RPS6KA6: variants seen among roughly 807,000 people sequenced by gnomAD.
The protein encoded by RPS6KA6 is ribosomal protein S6 kinase A6.
A neutral mutation model predicts 65.4 loss-of-function variants in RPS6KA6; 27 were observed. The ratio of observed to expected loss-of-function variants is 0.41; its 90% CI spans 0.30 to 0.57. The LOEUF (loss-of-function observed/expected upper bound fraction) is 0.57, where lower values mean the gene tolerates loss of function less well. Among genes scored for constraint, RPS6KA6 ranks in the 20% least tolerant of loss-of-function variants. The pLI is 0.24. For missense variants in RPS6KA6, 486 were observed against 555.6 expected, an observed-to-expected ratio of 0.87 and a Z score of 1.26; for synonymous variants, 190 against 184.2, an observed-to-expected ratio of 1.03 and a Z score of -0.26.
chrX:84,177,032 A>T (rs2035781331), intron 1 of RPS6KA6, among the ~76,000 whole-genome samples: 1 of 111,456 alleles, frequency 9.0e-6, no homozygotes, highest in African/African-American at 3.3e-5. Context: ...TAAGTTCAGC[A>T]AAAGCAGTAC....
intron 12 of RPS6KA6, among the ~76,000 whole-genome samples, chrX:84,108,415 G>A (rs768585427): frequency 2.2e-4 from 25 of 111,736 alleles, no homozygotes; most frequent in Non-Finnish European, 1.9e-4. Flanking sequence ...AATCAAAATA[G>A]CAATAAATAT....
At chrX:84,070,385 G>A (rs1034587504) in intron 20 of RPS6KA6, among the ~76,000 whole-genome samples, 3 of 110,052 alleles carry the variant, frequency 2.7e-5, no homozygotes, top group East Asian at 2.9e-4. Flanking sequence ...TAAAAACTGC[G>A]GCCTGTCGGG....
At chrX:84,160,215 C>G (rs766758373) in intron 2 of RPS6KA6, among the ~76,000 whole-genome samples, 2 of 110,986 alleles carry the variant, frequency 1.8e-5, no homozygotes, top group Middle Eastern at 4.3e-3. Flanking sequence ...TATTTTTTTG[C>G]GACCATAAAG....
intron 6 of RPS6KA6, among the ~76,000 whole-genome samples, chrX:84,141,549 G>C (rs939283158): frequency 9.0e-6 from 1 of 110,811 alleles, no homozygotes; most frequent in African/African-American, 3.3e-5. Context: ...AAATGTAACA[G>C]GTCTAATATC....
intron 20 of RPS6KA6, among the ~76,000 whole-genome samples, chrX:84,075,249 A>AAACT (rs1479087020): frequency 9.0e-6 from 1 of 111,615 alleles, no homozygotes; most frequent in African/African-American, 3.3e-5. Context: ...ACAAACAAAC[A>AAACT]AACAAACAAA....
intron 20 of RPS6KA6, among the ~76,000 whole-genome samples, chrX:84,094,514 G>A (rs1007888642): frequency 1.8e-5 from 2 of 108,625 alleles, no homozygotes; most frequent in Middle Eastern, 4.7e-3. Context: ...GCGTGGTGGC[G>A]GGCACCTGTA....
At chrX:84,148,743 T>A (rs1174452669) in intron 3 of RPS6KA6, among the ~76,000 whole-genome samples, 1 of 111,512 alleles carries the variant, frequency 9.0e-6, no homozygotes, top group African/African-American at 3.3e-5. Context: ...ATGCTAATGA[T>A]CATCTGAGTC....
rs189174889 is a variant in RPS6KA6, at chrX:84,128,668, T to C, written c.646+6114A>G. ...CAGAAACATAGAACAGGGAACAGAA[T>C]AGAGAACCCAGAGATAAATCCATGT... is the stretch of plus-strand genomic sequence containing the variant. On this transcript the variant is annotated intron_variant, in intron 8 of 21. Coordinates refer to ENST00000262752, the MANE Select transcript of RPS6KA6 (RefSeq NM_014496.5). Among the ~76,000 whole-genome samples, 192 of 111,464 alleles carry C rather than the reference T, an allele frequency of 1.7e-3. 1 individual carries two copies. Among genetic ancestry groups the C allele is most frequent in the Non-Finnish European group, 1.7e-3 (91 of 52,886 alleles).
At chrX:84,168,513 A>T (rs1283680851) in intron 1 of RPS6KA6, among the ~76,000 whole-genome samples, 1 of 111,791 alleles carries the variant, frequency 8.9e-6, no homozygotes, top group African/African-American at 3.2e-5. Flanking sequence ...GGATTAAAAA[A>T]AGAACTGTGA....
intron 1 of RPS6KA6, among the ~76,000 whole-genome samples, chrX:84,168,596 G>A (rs746369610): frequency 4.5e-5 from 5 of 111,368 alleles, no homozygotes; most frequent in Admixed American, 2.9e-4. Context: ...AGACAGAATC[G>A]TGATAATTAA....
At chrX:84,167,439 C>T (rs2035615109) in intron 1 of RPS6KA6, among the ~76,000 whole-genome samples, 1 of 111,579 alleles carries the variant, frequency 9.0e-6, no homozygotes, top group South Asian at 3.7e-4. Context: ...AAGCCAAATC[C>T]AAAAGGCTAA....
At chrX:84,158,604 C>T (rs2035454400) in intron 2 of RPS6KA6, among the ~76,000 whole-genome samples, 1 of 111,066 alleles carries the variant, frequency 9.0e-6, no homozygotes, top group Non-Finnish European at 1.9e-5. Flanking sequence ...TCCATATTAT[C>T]CATTGTCAGT....
intron 18 of RPS6KA6, 84 bp downstream of exon 18, chrX:84,101,953 C>T: frequency 1.2e-6 from 1 of 805,296 alleles, no homozygotes; most frequent in Non-Finnish European, 1.7e-6. Flanking sequence ...CTTTTATCTG[C>T]CTACCATAAC....
At position 84,096,223 on chromosome X, in the gene RPS6KA6, T is replaced by C. The variant is rs2034154307; in HGVS notation, c.1942A>G (p.Asn648Asp). 8.4e-7 allele frequency: 1 copy of C among 1,191,100 alleles called. No homozygotes were observed. Among genetic ancestry groups the C allele is most frequent in the Admixed American group, 2.2e-5 (1 of 45,816 alleles). The stretch of plus-strand genomic sequence containing the variant: ...GCTCCGTCTGAAATATTGTCCCAGT[T>C]TCCACCACTCAAAGAGAATTTTCCA... Reference protein sequence around the residue: ...GNGKFSLSGGNWDNISDGAKD... With the variant: ...GNGKFSLSGGDWDNISDGAKD... Residue 648 changes from asparagine (N) to aspartate (D), a missense_variant, in exon 20 of 22, where the codon AAC (asparagine) becomes GAC (aspartate). Physicochemically the swap from Asn to Asp is conservative, Grantham distance 23 (BLOSUM62 1). Around this residue, in one of 3 missense-constraint regions of RPS6KA6, gnomAD observed 345 missense variants for 375.0 expected, o/e 0.92. Transcript: ENST00000262752.
chrX:84,076,208 G>T (rs1220780455), intron 20 of RPS6KA6, among the ~76,000 whole-genome samples: 2 of 111,435 alleles, frequency 1.8e-5, no homozygotes, highest in Non-Finnish European at 3.8e-5. Context: ...GGTCCAGATG[G>T]CTTCACTGAT....
chrX:84,187,992 C>A lies in RPS6KA6; in HGVS notation c.-93G>T. On this transcript the variant is annotated 5_prime_UTR_variant, in exon 1 of 22. Transcript: ENST00000262752. ...TGAACTGGCCCGCCGCCGCCGCCGCCGCCGCCGCCGCCGCCGCGACCCCCA... is the reference window on the plus strand; with the variant it reads ...TGAACTGGCCCGCCGCCGCCGCCGCAGCCGCCGCCGCCGCCGCGACCCCCA... 1.6e-6 allele frequency: 1 copy of A among 622,279 alleles called. No individual in the cohort carries two copies. The highest frequency in any genetic ancestry group is 2.2e-6 in the Non-Finnish European group (1 of 463,391). 51.3% of individuals were successfully genotyped at this position (622,279 alleles called of 1,213,427 possible). A position where few individuals can be genotyped will look rare whatever the true frequency, so the allele number is the denominator to read the frequency against.
intron 9 of RPS6KA6, 134 bp downstream of exon 9, chrX:84,119,751 C>T: frequency 2.6e-6 from 1 of 384,705 alleles, no homozygotes; most frequent in Non-Finnish European, 4.2e-6. Context: ...TAGCCAATCA[C>T]AAGGTTTTTG....
At chrX:84,156,580 T>G (rs773302949) in intron 2 of RPS6KA6, among the ~76,000 whole-genome samples, 1 of 111,257 alleles carries the variant, frequency 9.0e-6, no homozygotes, top group Non-Finnish European at 1.9e-5. Flanking sequence ...AAACGTGACC[T>G]CAAGAGCTTT....
chrX:84,073,770 A>G (rs2033600419), intron 20 of RPS6KA6, among the ~76,000 whole-genome samples: 1 of 111,087 alleles, frequency 9.0e-6, no homozygotes, highest in African/African-American at 3.3e-5. Flanking sequence ...TCCAATAGGT[A>G]TATGGAAAAA....
Sources: gnomAD v4.1 joint callset for allele counts (sites outside exome capture counted in the v4.1 genomes callset) on GRCh38, gnomAD v4.1.1 for gene constraint, gnomAD v4.1.1 regional missense constraint, MANE v1.5 for transcripts, NCBI Gene and HGNC (gene_info 2026-07-23, HGNC 2026-07-21) for gene names.